The following DIS3 variants were observed in gnomAD, a reference collection of about 807,000 sequenced individuals.
DIS3 encodes the protein exosome complex exonuclease RRP44.
Under a neutral mutation model 113.0 loss-of-function variants are expected in DIS3, and 103 were observed. That is an observed-to-expected ratio of 0.91 (90% CI 0.78 to 1.07). The LOEUF is 1.07. Among genes scored for constraint, DIS3 ranks in the 50% least tolerant of loss-of-function variants. DIS3 has a pLI of 0.00. For missense variants in DIS3, 1,121 were observed against 1,167.1 expected, an observed-to-expected ratio of 0.96 and a Z score of 0.58; for synonymous variants, 402 against 394.3, an observed-to-expected ratio of 1.02 and a Z score of -0.23.
chr13:72,753,657 C>A lies in DIS3; in HGVS notation c.*6138G>T. 6.3e-7 allele frequency: 1 copy of A among 1,593,576 alleles called. No homozygotes were observed. The highest frequency in any genetic ancestry group is 1.2e-5 in the South Asian group (1 of 86,726). On this transcript the variant is annotated 3_prime_UTR_variant, in exon 21 of 21. Transcript: ENST00000377767. The stretch of plus-strand genomic sequence containing the variant: ...TTAAATATTTGACTTTTAAGTTCCT[C>A]ACAATATATTTTTTTCTTTTTTCTC...
chr13:72,761,746 A>T lies in DIS3; in HGVS notation c.2411T>A (p.Leu804Ter), dbSNP rs1451628993. ...AIGADCTYPE[L>*]TDKHKLADIC... is the part of the protein sequence containing the mutation. ...ATCTGCAAGCTTGTGTTTGTCTGTC[A>T]ACTCTGGATAAGTACAGTCAGCCCC... Residue 804 changes from leucine (L) to a stop codon, truncating the protein, a stop_gained, in exon 18 of 21, where the codon TTG becomes TAG. Coordinates refer to ENST00000377767, the MANE Select transcript of DIS3 (RefSeq NM_014953.5). LOFTEE classifies it high-confidence loss of function. The T allele has an allele frequency of 6.2e-7, 1 of 1,613,936 alleles. No individual in the cohort carries two copies. Among genetic ancestry groups the T allele is most frequent in the Non-Finnish European group, 8.5e-7 (1 of 1,179,988 alleles).
chr13:72,768,872 G>GA lies in DIS3; in HGVS notation c.1795dup (p.Ser599PhefsTer6). 6.2e-7 allele frequency: 1 copy of GA among 1,604,754 alleles called. No individual in the cohort carries two copies. The highest frequency in any genetic ancestry group is 8.5e-7 in the Non-Finnish European group (1 of 1,172,236). ...GGTAATATCATCATTCATGTTTGCT[G>GA]AATCAATTCTCAACTGAGCTTCAGC... On this transcript the variant is annotated frameshift_variant, in exon 14 of 21. Transcript: ENST00000377767. LOFTEE classifies it high-confidence loss of function.
At chr13:72,781,140 G>A in intron 1 of DIS3, 137 bp from the exon 2 acceptor site, 21 of 1,346,928 alleles carry the variant, frequency 1.6e-5, no homozygotes, top group Admixed American at 2.2e-5. Flanking sequence ...AAGCTATTTG[G>A]CTATAGAAAA....
Position 72,757,065 on chromosome 13 carries a change from G to A in DIS3, c.*2730C>T, listed in dbSNP as rs891445478. On this transcript the variant is annotated 3_prime_UTR_variant, in exon 21 of 21. Transcript: ENST00000377767. Reference sequence around the variant, plus strand: ...TTTTAGATTATGGAATAGAACTTAGGGGAAAATAGCAAAGTCTCTGATCAT... The same window carrying A: ...TTTTAGATTATGGAATAGAACTTAGAGGAAAATAGCAAAGTCTCTGATCAT... The A allele has an allele frequency of 6.6e-6, 1 of 152,082 alleles. No individual in the cohort carries two copies. The highest frequency in any genetic ancestry group is 2.4e-5 in the African/African-American group (1 of 41,404). 9.4% of individuals were successfully genotyped at this position (152,082 alleles called of 1,614,324 possible).
At chr13:72,773,876 AAAAG>A in intron 7 of DIS3, 55 bp from the exon 8 acceptor site, 1 of 1,595,172 alleles carries the variant, frequency 6.3e-7, no homozygotes, top group Non-Finnish European at 8.5e-7. Context: ...GGATGGAGGC[AAAAG>A]AAAGGCTATA....
chr13:72,775,053 C>T (rs2033975108), intron 6 of DIS3, among the ~76,000 whole-genome samples, 158 bp downstream of exon 6: 1 of 152,022 alleles, frequency 6.6e-6, no homozygotes, highest in Non-Finnish European at 1.5e-5. Context: ...AAGAAAACTA[C>T]ATAGAAGAGA....
intron 15 of DIS3, 63 bp from the exon 16 acceptor site, chr13:72,763,670 T>C: frequency 2.7e-6 from 4 of 1,483,166 alleles, no homozygotes; most frequent in Non-Finnish European, 9.0e-7. Context: ...TATATCATAT[T>C]TTTTCACAGG....
In DIS3 at chr13:72,758,114, A is replaced by T. The variant is rs144923567; in HGVS notation, c.*1681T>A. The T allele has an allele frequency of 6.0e-3, 1,089 of 180,628 alleles. 15 individuals are homozygous for T. Among genetic ancestry groups the T allele is most frequent in the African/African-American group, 0.025 (1,041 of 42,462 alleles). The allele number at this position is 180,628 out of a possible 1,614,324, so 11.2% of individuals were successfully genotyped here. A position where few individuals can be genotyped will look rare whatever the true frequency, so the allele number is the denominator to read the frequency against. ...ATATCTTATATATATCTATATATATATTTTTACTGTACCTTTTCTATGTTT... is the reference window on the plus strand; with the variant it reads ...ATATCTTATATATATCTATATATATTTTTTTACTGTACCTTTTCTATGTTT... On this transcript the variant is annotated 3_prime_UTR_variant, in exon 21 of 21. Coordinates refer to ENST00000377767, the MANE Select transcript of DIS3 (RefSeq NM_014953.5).
At chr13:72,773,604 T>C (rs2033936562) in intron 8 of DIS3, 80 bp downstream of exon 8, 5 of 1,433,544 alleles carry the variant, frequency 3.5e-6, no homozygotes, top group Admixed American at 4.5e-5. Flanking sequence ...TAAAAGTAGA[T>C]TGTTTTTATT....
rs912684815 is a variant in DIS3 at position 72,762,055 on chromosome 13, T to C, written c.2210A>G (p.Asn737Ser). ...AGTGGCTAATATTCTCAACAGAGTG[T>C]TTAGATATGGAAAAGTAGGAGATTC... Reference protein sequence around the residue: ...QAESPTFPYLNTLLRILATRC... With the variant: ...QAESPTFPYLSTLLRILATRC... Residue 737 changes from asparagine (N) to serine (S), a missense_variant, in exon 17 of 21, where the codon AAC becomes AGC. Physicochemically the swap from Asn to Ser is conservative, Grantham distance 46 (BLOSUM62 1). Coordinates refer to ENST00000377767, the MANE Select transcript of DIS3 (RefSeq NM_014953.5). The C allele has an allele frequency of 1.2e-6, 2 of 1,613,956 alleles. No individual in the cohort carries two copies. The highest frequency in any genetic ancestry group is 1.3e-5 in the African/African-American group (1 of 74,910).
At chr13:72,776,607 A>T (rs961906199) in intron 4 of DIS3, among the ~76,000 whole-genome samples, 2 of 152,142 alleles carry the variant, frequency 1.3e-5, no homozygotes, top group Non-Finnish European at 2.9e-5. Context: ...TATTTACCAT[A>T]CCTATGTGCC....
rs757649126 is a variant in DIS3, at chr13:72,753,899, AC to A, written c.*5895del. ...ATAATTTTGATTATTAGACAATAGT[AC>A]TATTGAGAAACTATATGAAATTTAA... is the stretch of plus-strand genomic sequence containing the variant. On this transcript the variant is annotated 3_prime_UTR_variant, in exon 21 of 21. Coordinates refer to ENST00000377767, the MANE Select transcript of DIS3 (RefSeq NM_014953.5). 552 of 1,328,780 alleles carry A rather than the reference AC, an allele frequency of 4.2e-4. No homozygotes were observed. The highest frequency in any genetic ancestry group is 1.1e-3 in the Admixed American group (49 of 44,666). The allele number at this position is 1,328,780 out of a possible 1,614,324, so 82.3% of individuals were successfully genotyped here.
rs199932559 is a variant in DIS3 at position 72,767,157 on chromosome 13, G to GT, written c.1884-1100dup. ...TTAATACTTTAGAAGGCAAAAGACG[G>GT]TTTTTTTTTCTGATTGCTTTTTCAA... On this transcript the variant is annotated intron_variant, in intron 14 of 20. Transcript: ENST00000377767. Among the ~76,000 whole-genome samples, 806 of 150,574 alleles carry GT rather than the reference G, an allele frequency of 5.4e-3. 4 individuals carry two copies. The highest frequency in any genetic ancestry group is 0.02 in the East Asian group (103 of 5,126).
chr13:72,767,796 G>A (rs2033788584), intron 14 of DIS3, among the ~76,000 whole-genome samples: 3 of 152,064 alleles, frequency 2.0e-5, no homozygotes, highest in African/African-American at 7.2e-5. Context: ...TGTACAATCC[G>A]CACTCACCAC....
At chr13:72,777,519 T>C (rs2034045362) in intron 3 of DIS3, 26 bp from the exon 4 acceptor site, 1 of 1,602,810 alleles carries the variant, frequency 6.2e-7, no homozygotes, top group African/African-American at 1.3e-5. Context: ...TATGTTGTTT[T>C]TGATAAGTGT....
rs376383469 is a variant in DIS3 at position 72,761,387 on chromosome 13, G to C, written c.2646C>G (p.Asn882Lys). 4.0e-5 allele frequency: 65 copies of C among 1,605,690 alleles called. No individual in the cohort carries two copies. Among genetic ancestry groups the C allele is most frequent in the Non-Finnish European group, 5.1e-5 (60 of 1,178,150 alleles). The change falls in exon 19 of 21, where the codon AAC (asparagine) becomes AAG (lysine). Residue 882 changes from asparagine to lysine, a missense_variant. This residue lies in a region of DIS3 where 861 missense variants were observed against 915.5 expected (regional missense o/e 0.94). Transcript: ENST00000377767. ...CCTCATCATCATAAATAAGCTGTGG[G>C]TTTGGTTTGTCCTTTTCTTCAAAAA... ...TVFFEEKDKP[N>K]PQLIYDDEIP... is the part of the protein sequence containing the mutation.
In DIS3 at chr13:72,755,240, C is replaced by T; in HGVS notation, c.*4555G>A. ...AGAATGCCTCTGTCAGAATCAAAGACTAAGCTTAAGAGTTCCTCGCATATA... is the reference window on the plus strand; with the variant it reads ...AGAATGCCTCTGTCAGAATCAAAGATTAAGCTTAAGAGTTCCTCGCATATA... On this transcript the variant is annotated 3_prime_UTR_variant, in exon 21 of 21. Transcript: ENST00000377767. 6.3e-7 allele frequency: 1 copy of T among 1,587,410 alleles called. No homozygotes were observed. The highest frequency in any genetic ancestry group is 1.3e-5 in the African/African-American group (1 of 74,366).
At position 72,773,693 on chromosome 13, in the gene DIS3, T is replaced by G. The variant is rs746263751; in HGVS notation, c.1230A>C (p.Arg410Ser). The change falls in exon 8 of 21, where the codon AGA (arginine) becomes AGC (serine). Residue 410 changes from arginine to serine, a missense_variant. By Grantham distance (110) the Arg-to-Ser change is moderately radical. Coordinates refer to ENST00000377767, the MANE Select transcript of DIS3 (RefSeq NM_014953.5). Reference sequence around the variant, plus strand: ...AATACTTTAAGCTTACATTTGGATATCTGGAATTTCTGGGCCAACCATCAA... The same window carrying G: ...AATACTTTAAGCTTACATTTGGATAGCTGGAATTTCTGGGCCAACCATCAA... ...VAIDGWPRNS[R>S]YPNGHFVRNL... 1.2e-6 allele frequency: 2 copies of G among 1,609,284 alleles called. No individual in the cohort carries two copies. The highest frequency in any genetic ancestry group is 1.7e-6 in the Non-Finnish European group (2 of 1,178,898).
rs542415180 is a variant in DIS3, at chr13:72,755,783, C to A, written c.*4012G>T. 220 of 397,916 alleles carry A rather than the reference C, an allele frequency of 5.5e-4. No individual in the cohort carries two copies. The highest frequency in any genetic ancestry group is 9.0e-4 in the Non-Finnish European group (204 of 225,946). The allele number at this position is 397,916 out of a possible 1,614,324, so 24.6% of individuals were successfully genotyped here. Reference sequence around the variant, plus strand: ...CCAGTGATAACTGTTCTAGTTACTACTTTTAAGTATGTAAATACTAGAAAG... The same window carrying A: ...CCAGTGATAACTGTTCTAGTTACTAATTTTAAGTATGTAAATACTAGAAAG... On this transcript the variant is annotated 3_prime_UTR_variant, in exon 21 of 21. Transcript: ENST00000377767.
Sources: gnomAD v4.1 joint callset for allele counts (sites outside exome capture counted in the v4.1 genomes callset) on GRCh38, gnomAD v4.1.1 for gene constraint, gnomAD v4.1.1 regional missense constraint, MANE v1.5 for transcripts, NCBI Gene and HGNC (gene_info 2026-07-23, HGNC 2026-07-21) for gene names.